The following WIPI2 variants were observed in gnomAD, a reference collection of about 807,000 sequenced individuals.
WIPI2 encodes the protein WD repeat domain phosphoinositide-interacting protein 2.
In WIPI2, 28 loss-of-function variants were observed where a neutral mutation model predicts 52.3. The observed-to-expected ratio is 0.54, with a 90% CI of 0.40 to 0.73. The LOEUF (loss-of-function observed/expected upper bound fraction) is 0.73, where lower values mean the gene tolerates loss of function less well. Ranked by LOEUF, WIPI2 falls within the 30% of genes least tolerant of loss-of-function variation. WIPI2 has a pLI of 0.00. For synonymous variants in WIPI2, 268 were observed against 245.0 expected (o/e 1.09, Z -0.88); for missense variants, 506 against 602.9 (o/e 0.84, Z 1.68).
At chr7:5,221,906 G>C (rs1783148148) in intron 7 of WIPI2, among the ~76,000 whole-genome samples, 1 of 151,930 alleles carries the variant, frequency 6.6e-6, no homozygotes, top group Admixed American at 6.6e-5. Context: ...AGCCTCGTCA[G>C]ACCACAAGGT....
rs1783757957 is a variant in WIPI2 at position 5,232,202 on chromosome 7, G to A, written c.*1255G>A. 2.5e-6 allele frequency: 1 copy of A among 398,622 alleles called. No homozygotes were observed. Among genetic ancestry groups the A allele is most frequent in the Admixed American group, 4.4e-5 (1 of 22,710 alleles). 24.7% of individuals were successfully genotyped at this position (398,622 alleles called of 1,614,324 possible). On this transcript the variant is annotated 3_prime_UTR_variant, in exon 13 of 13. Coordinates refer to ENST00000288828, the MANE Select transcript of WIPI2 (RefSeq NM_015610.4). ...GGAAGTTACGGATAGAAGGGAAAAG[G>A]CAAAAACTATTTACCCTGCCTTTGC...
In WIPI2 at chr7:5,193,148, T is replaced by G; in HGVS notation, c.105T>G (p.Gly35=). ...TGAAAGGGGCATCAAGAGCAGCTGGTCTTGGCCGTCGCGCTGTTGTCTGGT... is the reference window on the plus strand; with the variant it reads ...TGAAAGGGGCATCAAGAGCAGCTGGGCTTGGCCGTCGCGCTGTTGTCTGGT... ...TEVKGASRAA[G]LGRRAVVWSL... Residue 35 remains glycine (G), a synonymous_variant, in exon 2 of 13, where the codon GGT becomes GGG. Transcript: ENST00000288828. 4 of 1,614,006 alleles carry G rather than the reference T, an allele frequency of 2.5e-6. No individual in the cohort carries two copies. Among genetic ancestry groups the G allele is most frequent in the Non-Finnish European group, 2.5e-6 (3 of 1,180,008 alleles).
intron 1 of WIPI2, among the ~76,000 whole-genome samples, chr7:5,191,346 A>G (rs920669364): frequency 6.6e-5 from 10 of 152,084 alleles, no homozygotes; most frequent in African/African-American, 2.4e-4. Context: ...TGGGACATCA[A>G]CTTTGATGTC....
In WIPI2 at chr7:5,232,307, G is replaced by T. The variant is rs965566633; in HGVS notation, c.*1360G>T. 5.8e-5 allele frequency: 23 copies of T among 398,554 alleles called. No individual in the cohort carries two copies. The highest frequency in any genetic ancestry group is 4.7e-4 in the African/African-American group (23 of 48,638). The allele number at this position is 398,554 out of a possible 1,614,324, so 24.7% of individuals were successfully genotyped here. A position where few individuals can be genotyped will look rare whatever the true frequency, so the allele number is the denominator to read the frequency against. On this transcript the variant is annotated 3_prime_UTR_variant, in exon 13 of 13. Coordinates refer to ENST00000288828, the MANE Select transcript of WIPI2 (RefSeq NM_015610.4). Reference sequence around the variant, plus strand: ...CATGGTCACGCTGGGCGAAGAGCTGGAGGGGAGTTGTCCCCTCAGCTGAGC... The same window carrying T: ...CATGGTCACGCTGGGCGAAGAGCTGTAGGGGAGTTGTCCCCTCAGCTGAGC...
rs1783708828 is a variant in WIPI2, at chr7:5,231,199, T to C, written c.*252T>C. The C allele has an allele frequency of 2.5e-6, 1 of 402,958 alleles. No individual in the cohort carries two copies. Among genetic ancestry groups the C allele is most frequent in the Admixed American group, 4.5e-5 (1 of 22,392 alleles). The allele number at this position is 402,958 out of a possible 1,614,324, so 25.0% of individuals were successfully genotyped here. On this transcript the variant is annotated 3_prime_UTR_variant, in exon 13 of 13. Coordinates refer to ENST00000288828, the MANE Select transcript of WIPI2 (RefSeq NM_015610.4). ...TGTTTGTTTTCTCTTTTTGCCAAAA[T>C]TAACTGTTTGGTGAAGCCCGCAAAA...
rs557460240 is a variant in WIPI2, at chr7:5,232,761, G to T, written c.*1814G>T. On this transcript the variant is annotated 3_prime_UTR_variant, in exon 13 of 13. Coordinates refer to ENST00000288828, the MANE Select transcript of WIPI2 (RefSeq NM_015610.4). ...GTGGGGGGAAAAAGTGTGCACAAGA[G>T]ATACGGAACCCTGAGCTAGGGTTTC... 22 of 158,962 alleles carry T rather than the reference G, an allele frequency of 1.4e-4. No homozygotes were observed. In the East Asian group the frequency reaches 3.8e-3, roughly 28 times the overall value. The allele number at this position is 158,962 out of a possible 1,614,324, so 9.8% of individuals were successfully genotyped here. A position where few individuals can be genotyped will look rare whatever the true frequency, so the allele number is the denominator to read the frequency against.
chr7:5,209,620 T>C (rs1782455972), intron 3 of WIPI2, among the ~76,000 whole-genome samples: 1 of 152,216 alleles, frequency 6.6e-6, no homozygotes, highest in African/African-American at 2.4e-5. Flanking sequence ...GATGATCGTC[T>C]CATACTGTTC....
intron 2 of WIPI2, 170 bp downstream of exon 2, chr7:5,193,341 G>C: frequency 7.0e-7 from 1 of 1,424,936 alleles, no homozygotes; most frequent in Non-Finnish European, 9.2e-7. Context: ...CACAGCTTGT[G>C]GGAAGTTAGT....
At chr7:5,224,738 T>TGCAG (rs2115308500) in intron 8 of WIPI2, among the ~76,000 whole-genome samples, 1 of 152,322 alleles carries the variant, frequency 6.6e-6, no homozygotes, top group South Asian at 2.1e-4. Context: ...ATCCATCAAG[T>TGCAG]GCAGGGTCTG....
chr7:5,194,798 A>G (rs980380544), intron 2 of WIPI2, among the ~76,000 whole-genome samples: 9 of 152,134 alleles, frequency 5.9e-5, no homozygotes, highest in African/African-American at 1.9e-4. Flanking sequence ...TTAAACTCAT[A>G]CGATAGAAAG....
In WIPI2 at chr7:5,231,857, G is replaced by A. The variant is rs548262729; in HGVS notation, c.*910G>A. Reference sequence around the variant, plus strand: ...TGTCCTTTCGCTGGCCCCGCTGTCCGCAGGGGCTTCCTACCTGTGTGAGAG... The same window carrying A: ...TGTCCTTTCGCTGGCCCCGCTGTCCACAGGGGCTTCCTACCTGTGTGAGAG... On this transcript the variant is annotated 3_prime_UTR_variant, in exon 13 of 13. Transcript: ENST00000288828. The A allele has an allele frequency of 1.5e-3, 342 of 231,216 alleles. No homozygotes were observed. Among genetic ancestry groups the A allele is most frequent in the Non-Finnish European group, 2.3e-3 (281 of 119,928 alleles). The allele number at this position is 231,216 out of a possible 1,614,324, so 14.3% of individuals were successfully genotyped here. A position where few individuals can be genotyped will look rare whatever the true frequency, so the allele number is the denominator to read the frequency against.
Position 5,231,119 on chromosome 7 carries a change from A to G in WIPI2, c.*172A>G, listed in dbSNP as rs1783706364. ...TAACTCCATAACGCTGAGGAAATAC[A>G]TCATTTTCACTTCAGTGGCTTTTAA... On this transcript the variant is annotated 3_prime_UTR_variant, in exon 13 of 13. Coordinates refer to ENST00000288828, the MANE Select transcript of WIPI2 (RefSeq NM_015610.4). 6.8e-6 allele frequency: 3 copies of G among 443,764 alleles called. No homozygotes were observed. Among genetic ancestry groups the G allele is most frequent in the South Asian group, 1.3e-4 (2 of 15,668 alleles). 27.5% of individuals were successfully genotyped at this position (443,764 alleles called of 1,614,324 possible).
At chr7:5,215,489 T>G (rs767779755) in intron 4 of WIPI2, among the ~76,000 whole-genome samples, 1 of 152,236 alleles carries the variant, frequency 6.6e-6, no homozygotes, top group Admixed American at 6.5e-5. Flanking sequence ...GTCTCCCAGC[T>G]TGTGCTCACG....
Position 5,231,258 on chromosome 7 carries a change from C to A in WIPI2, c.*311C>A. On this transcript the variant is annotated 3_prime_UTR_variant, in exon 13 of 13. Coordinates refer to ENST00000288828, the MANE Select transcript of WIPI2 (RefSeq NM_015610.4). ...CTTTGCATGCATGAACGTGCCAAGCCAGCATAGGGGAGCTAGAAGCCACTT... is the reference window on the plus strand; with the variant it reads ...CTTTGCATGCATGAACGTGCCAAGCAAGCATAGGGGAGCTAGAAGCCACTT... 3.8e-6 allele frequency: 1 copy of A among 263,366 alleles called. No individual in the cohort carries two copies. Among genetic ancestry groups the A allele is most frequent in the Non-Finnish European group, 7.2e-6 (1 of 138,804 alleles). The allele number at this position is 263,366 out of a possible 1,614,324, so 16.3% of individuals were successfully genotyped here.
At chr7:5,213,683 GT>G (rs1437697817) in intron 3 of WIPI2, among the ~76,000 whole-genome samples, 28 of 151,744 alleles carry the variant, frequency 1.8e-4, no homozygotes, top group African/African-American at 6.0e-4. Context: ...TGTTGTTGTT[GT>G]TGTTGTTGTT....
Position 5,193,036 on chromosome 7 carries a change from A to G in WIPI2, c.75-82A>G. ...ATGATTTCCAATGTCGTACTTTTTC[A>G]TGATTCCTATCCTAAAAGTGTGCAT... is the stretch of plus-strand genomic sequence containing the variant. On this transcript the variant is annotated intron_variant, in intron 1 of 12. Coordinates refer to ENST00000288828, the MANE Select transcript of WIPI2 (RefSeq NM_015610.4). 6.6e-6 allele frequency: 9 copies of G among 1,367,528 alleles called. No homozygotes were observed. In the South Asian group the frequency reaches 7.2e-5, roughly 11 times the overall value. 84.7% of individuals were successfully genotyped at this position (1,367,528 alleles called of 1,614,324 possible). A position where few individuals can be genotyped will look rare whatever the true frequency, so the allele number is the denominator to read the frequency against.
intron 3 of WIPI2, among the ~76,000 whole-genome samples, chr7:5,207,126 TCTC>T (rs1373973071): frequency 6.6e-6 from 1 of 152,192 alleles, no homozygotes; most frequent in African/African-American, 2.4e-5. Context: ...TCAGTACATT[TCTC>T]CTCAATACTG....
rs1783495643 is a variant in WIPI2, at chr7:5,227,502, G to C, written c.1013+158G>C. ...GTCGGGGATGGGAGGTCCCCTGGCA[G>C]GCACTAGGCTTGCCGCTCTGTGCGG... On this transcript the variant is annotated intron_variant, in intron 10 of 12. Transcript: ENST00000288828. The surrounding 1 kb of genome is among the most constrained non-coding windows in gnomAD (Gnocchi z 8.1). Among the ~76,000 whole-genome samples the C allele has an allele frequency of 6.6e-6, 1 of 152,242 alleles. No homozygotes were observed. The highest frequency in any genetic ancestry group is 2.1e-4 in the South Asian group (1 of 4,832).
At chr7:5,207,768 C>CTTTTTTT (rs35296190) in intron 3 of WIPI2, among the ~76,000 whole-genome samples, 7 of 107,266 alleles carry the variant, frequency 6.5e-5, no homozygotes, top group Non-Finnish European at 7.2e-5. Context: ...TCCTCACTAA[C>CTTTTTTT]TTTTTTTTTT....
Sources: gnomAD v4.1 joint callset for allele counts (sites outside exome capture counted in the v4.1 genomes callset) on GRCh38, gnomAD v4.1.1 for gene constraint, Gnocchi (gnomAD v3.1) non-coding constraint, MANE v1.5 for transcripts, NCBI Gene and HGNC (gene_info 2026-07-23, HGNC 2026-07-21) for gene names.